Variants in LRGUK observed in about 807,000 individuals in gnomAD.
LRGUK encodes leucine-rich repeat and guanylate kinase domain-containing protein.
A neutral mutation model predicts 76.0 loss-of-function variants in LRGUK; 65 were observed. That is an observed-to-expected ratio of 0.85 (90% CI 0.70 to 1.05). The LOEUF (loss-of-function observed/expected upper bound fraction) is 1.05, where lower values mean the gene tolerates loss of function less well. Ranked by LOEUF, LRGUK falls within the 50% of genes least tolerant of loss-of-function variation. The probability of loss-of-function intolerance (pLI) is 0.00; values close to 1 mark genes in which losing one functional copy is unlikely to be tolerated. For missense variants in LRGUK, 758 were observed against 732.8 expected (o/e 1.03, Z -0.40); for synonymous variants, 268 against 265.6 (o/e 1.01, Z -0.09).
At chr7:134,253,029 A>G (rs1706030330) in intron 18 of LRGUK, among the ~76,000 whole-genome samples, 3 of 152,172 alleles carry the variant, frequency 2.0e-5, no homozygotes. Flanking sequence ...AGCCTTTCCT[A>G]TTGCCAGGTA....
At chr7:134,247,730 G>T in intron 17 of LRGUK, 86 bp downstream of exon 17, 1 of 1,035,208 alleles carries the variant, frequency 9.7e-7, no homozygotes, top group East Asian at 2.5e-5. Context: ...AACATAAACA[G>T]AGACCTCTGT....
chr7:134,198,280 C>T (rs1444009163), intron 13 of LRGUK, among the ~76,000 whole-genome samples: 1 of 152,096 alleles, frequency 6.6e-6, no homozygotes, highest in Non-Finnish European at 1.5e-5. Context: ...AAAATTAATG[C>T]ATTTTTGAGT....
intron 16 of LRGUK, among the ~76,000 whole-genome samples, chr7:134,239,406 TG>T: frequency 1.3e-5 from 2 of 152,360 alleles, no homozygotes; most frequent in South Asian, 2.1e-4. Flanking sequence ...GATTATATCC[TG>T]TGCCTGGCTC....
chr7:134,267,453 T>C (rs1368395172), downstream of LRGUK, among the ~76,000 whole-genome samples: 1 of 152,192 alleles, frequency 6.6e-6, no homozygotes, highest in Non-Finnish European at 1.5e-5. Context: ...GTCCCCACTA[T>C]AATCTCATCT....
chr7:134,243,478 G>A (rs1585595140), intron 16 of LRGUK, among the ~76,000 whole-genome samples: 1 of 152,204 alleles, frequency 6.6e-6, no homozygotes, highest in East Asian at 1.9e-4. Flanking sequence ...AAAATACCTA[G>A]GAATCCAACT....
chr7:134,207,073 G>T (rs1801039150), intron 15 of LRGUK, among the ~76,000 whole-genome samples: 1 of 152,136 alleles, frequency 6.6e-6, no homozygotes, highest in African/African-American at 2.4e-5. Context: ...AACCAAGAGA[G>T]ATTAAGGAGC....
intron 16 of LRGUK, among the ~76,000 whole-genome samples, chr7:134,232,803 C>G (rs956667761): frequency 6.6e-6 from 1 of 151,732 alleles, no homozygotes; most frequent in Non-Finnish European, 1.5e-5. Context: ...ATAAAATATC[C>G]AATTTACTCA....
In LRGUK at chr7:134,206,343, C is replaced by T. The variant is rs143781056; in HGVS notation, c.1844-2364C>T. ...CATCCTGGCCAACATGGAGAAATCCCGTCTCTACTAAAAATACAAAAATTA... is the reference window on the plus strand; with the variant it reads ...CATCCTGGCCAACATGGAGAAATCCTGTCTCTACTAAAAATACAAAAATTA... On this transcript the variant is annotated intron_variant, in intron 15 of 15. Transcript: ENST00000645682. Among the ~76,000 whole-genome samples, 263 of 152,190 alleles carry T rather than the reference C, an allele frequency of 1.7e-3. 2 individuals carry two copies. Among genetic ancestry groups the T allele is most frequent in the African/African-American group, 5.7e-3 (238 of 41,524 alleles).
chr7:134,263,881 C>G, exon 20 of LRGUK: 1 of 1,611,060 alleles, frequency 6.2e-7, no homozygotes, highest in Non-Finnish European at 8.5e-7. Flanking sequence ...GAAAAAGAGT[C>G]TCACCAACAC....
intron 2 of LRGUK, among the ~76,000 whole-genome samples, chr7:134,138,599 A>G (rs1204980007): frequency 6.6e-6 from 1 of 152,172 alleles, no homozygotes; most frequent in African/African-American, 2.4e-5. Flanking sequence ...GTGTTTATTT[A>G]TTATTACTGT....
At chr7:134,222,732 C>G (rs2117156864) in intron 16 of LRGUK, among the ~76,000 whole-genome samples, 1 of 152,192 alleles carries the variant, frequency 6.6e-6, no homozygotes, top group South Asian at 2.1e-4. Context: ...CCTCAGCCTC[C>G]CGAGTAGCTG....
At chr7:134,136,081 A>G (rs1415886678) in intron 1 of LRGUK, among the ~76,000 whole-genome samples, 1 of 152,192 alleles carries the variant, frequency 6.6e-6, no homozygotes, top group African/African-American at 2.4e-5. Context: ...ATGGTTATCT[A>G]TATGCTAGTC....
At chr7:134,133,628 C>T (rs962934655) in intron 1 of LRGUK, among the ~76,000 whole-genome samples, 10 of 152,040 alleles carry the variant, frequency 6.6e-5, no homozygotes, top group South Asian at 2.1e-4. Flanking sequence ...GATTTTTTTC[C>T]CCCTGATGAA....
In LRGUK at chr7:134,171,909, A is replaced by G. The variant is rs142479323; in HGVS notation, c.940-2647A>G. Among the ~76,000 whole-genome samples, 3 of 152,258 alleles carry G rather than the reference A, an allele frequency of 2.0e-5. No homozygotes were observed. The East Asian group carries it at 5.8e-4, about 29-fold the overall frequency. On this transcript the variant is annotated intron_variant, in intron 7 of 15. Coordinates refer to ENST00000645682, the Ensembl canonical transcript of LRGUK. ...GGAGGGCGCATGCAGGGCAAGCAGT[A>G]TCTGTGGCACTTTGCTAATTCAGTA...
At chr7:134,211,808 C>G (rs1233975567), downstream of LRGUK, among the ~76,000 whole-genome samples, 1 of 152,166 alleles carries the variant, frequency 6.6e-6, no homozygotes, top group East Asian at 1.9e-4. Flanking sequence ...CCACTCTAAG[C>G]CAGCTTCTGT....
chr7:134,189,133 G>C (rs1800093488), intron 11 of LRGUK, among the ~76,000 whole-genome samples: 1 of 152,150 alleles, frequency 6.6e-6, no homozygotes, highest in Non-Finnish European at 1.5e-5. Context: ...TTGGAGTCTG[G>C]GGTTCATCTC....
intron 19 of LRGUK, among the ~76,000 whole-genome samples, chr7:134,263,623 C>CTTT (rs59840547): frequency 5.5e-4 from 63 of 113,960 alleles, no homozygotes; most frequent in Non-Finnish European, 6.8e-4. Context: ...TCATTTCTTT[C>CTTT]TTTTTTTTTT....
chr7:134,247,728 C>T, intron 17 of LRGUK, 84 bp downstream of exon 17: 1 of 1,050,920 alleles, frequency 9.5e-7, no homozygotes, highest in South Asian at 1.4e-5. Context: ...TGAACATAAA[C>T]AGAGACCTCT....
chr7:134,147,538 T>C (rs1337816034), intron 4 of LRGUK, among the ~76,000 whole-genome samples: 1 of 151,386 alleles, frequency 6.6e-6, no homozygotes, highest in Non-Finnish European at 1.5e-5. Flanking sequence ...TGCACAGAAA[T>C]GAAGTGAATA....
Sources: allele counts gnomAD v4.1 joint callset (sites outside exome capture counted in the v4.1 genomes callset), GRCh38; gene constraint gnomAD v4.1.1; transcripts MANE v1.5; gene names NCBI Gene and HGNC (gene_info 2026-07-23, HGNC 2026-07-21).